The following NEK10 variants were observed in gnomAD, a reference collection of about 807,000 sequenced individuals.
NEK10 encodes the protein NIMA related kinase 10.
Under a neutral mutation model 159.8 loss-of-function variants are expected in NEK10, and 122 were observed. The observed-to-expected ratio is 0.76, with a 90% confidence interval of 0.66 to 0.89. The LOEUF is 0.89. NEK10 is among the 40% of genes least tolerant of loss of function. The pLI, the probability that NEK10 is intolerant of heterozygous loss-of-function variation, is 0.00. For synonymous variants in NEK10, 466 were observed against 457.1 expected, an observed-to-expected ratio of 1.02 and a Z score of -0.25; for missense variants, 1,342 against 1,323.1, an observed-to-expected ratio of 1.01 and a Z score of -0.22.
At chr3:27,338,451 G>A (rs2046968216) in intron 5 of NEK10, among the ~76,000 whole-genome samples, 1 of 152,224 alleles carries the variant, frequency 6.6e-6, no homozygotes. Context: ...TACATACCCA[G>A]TAATGGGGAT....
At chr3:27,351,035 C>T (rs1292266202) in intron 3 of NEK10, among the ~76,000 whole-genome samples, 3 of 152,010 alleles carry the variant, frequency 2.0e-5, no homozygotes, top group South Asian at 2.1e-4. Context: ...AAATAAGACA[C>T]GTAAACAAGA....
chr3:27,331,247 A>C (rs1474806391), intron 5 of NEK10, among the ~76,000 whole-genome samples: 4 of 127,712 alleles, frequency 3.1e-5, no homozygotes, highest in African/African-American at 1.0e-4. Flanking sequence ...CAAAAAAAAA[A>C]AAACAAAAAA....
intron 30 of NEK10, among the ~76,000 whole-genome samples, chr3:27,146,579 A>G (rs183105651): frequency 3.3e-4 from 50 of 152,382 alleles, no homozygotes; most frequent in Admixed American, 1.2e-3. Context: ...CTTTACTATC[A>G]TAACAATGAA....
chr3:27,279,840 G>C (rs2149436208), intron 22 of NEK10, among the ~76,000 whole-genome samples: 1 of 152,136 alleles, frequency 6.6e-6, no homozygotes, highest in Non-Finnish European at 1.5e-5. Flanking sequence ...TTGACACTAG[G>C]AAAATACTGC....
chr3:27,334,706 C>T (rs73055719), intron 5 of NEK10, among the ~76,000 whole-genome samples: 159 of 152,244 alleles, frequency 1.0e-3, no homozygotes, highest in Non-Finnish European at 1.9e-3. Context: ...AGTACCCTAC[C>T]CAACCAACAT....
At chr3:27,240,888 A>G (rs956527963) in intron 23 of NEK10, among the ~76,000 whole-genome samples, 2 of 152,124 alleles carry the variant, frequency 1.3e-5, no homozygotes, top group Non-Finnish European at 2.9e-5. Flanking sequence ...TCCTGACCTC[A>G]GGTGATCTGC....
intron 20 of NEK10, among the ~76,000 whole-genome samples, chr3:27,285,534 A>C (rs2042525600): frequency 6.9e-6 from 1 of 144,964 alleles, no homozygotes; most frequent in Non-Finnish European, 1.6e-5. Context: ...AAAAAAAAAC[A>C]AACAAACAAA....
chr3:27,253,003 T>C (rs1191274731), intron 23 of NEK10: 2 of 410,446 alleles, frequency 4.9e-6, no homozygotes, highest in Admixed American at 6.1e-5. Flanking sequence ...CAACTTTATG[T>C]ATCAAAAAAA....
At chr3:27,122,595 T>C (rs1046844715) in intron 32 of NEK10, among the ~76,000 whole-genome samples, 2 of 152,218 alleles carry the variant, frequency 1.3e-5, no homozygotes, top group Non-Finnish European at 2.9e-5. Context: ...CTTGTGATGC[T>C]GAAAATGATT....
chr3:27,153,345 A>T (rs1945080349), intron 30 of NEK10, among the ~76,000 whole-genome samples: 1 of 151,666 alleles, frequency 6.6e-6, no homozygotes, highest in Non-Finnish European at 1.5e-5. Context: ...AAGAAATGAG[A>T]CAGACAGTAG....
At chr3:27,171,731 C>T in intron 29 of NEK10, 88 bp downstream of exon 29, 1 of 1,396,800 alleles carries the variant, frequency 7.2e-7, no homozygotes, top group Non-Finnish European at 1.0e-6. Flanking sequence ...CACATGGAAA[C>T]TTCTGGCTAT....
At chr3:27,116,215 G>C (rs1238599634) in intron 33 of NEK10, 88 bp from the exon 34 acceptor site, 20 of 1,129,062 alleles carry the variant, frequency 1.8e-5, no homozygotes, top group Non-Finnish European at 2.6e-5. Flanking sequence ...TCAACCACAG[G>C]GCAAACAGGT....
intron 35 of NEK10, among the ~76,000 whole-genome samples, chr3:27,112,404 G>T (rs1027760165): frequency 6.6e-6 from 1 of 152,136 alleles, no homozygotes; most frequent in African/African-American, 2.4e-5. Flanking sequence ...TTGTAAACTT[G>T]AATAACACCG....
Position 27,202,572 on chromosome 3 carries a change from G to C in NEK10, c.2091-15C>G, listed in dbSNP as rs1950147940. The C allele has an allele frequency of 6.3e-7, 1 of 1,589,776 alleles. No homozygotes were observed. The highest frequency in any genetic ancestry group is 1.1e-5 in the South Asian group (1 of 87,076). On this transcript the variant is annotated splice_polypyrimidine_tract_variant and intron_variant, in intron 23 of 35. Transcript: ENST00000691995. Reference sequence around the variant, plus strand: ...GTACCTCGGGGCTGAAGTAAAATAAGGACATTAATACATGCTAAGGAAGGG... The same window carrying C: ...GTACCTCGGGGCTGAAGTAAAATAACGACATTAATACATGCTAAGGAAGGG...
chr3:27,220,549 T>C (rs973487155), intron 23 of NEK10, among the ~76,000 whole-genome samples: 2 of 152,128 alleles, frequency 1.3e-5, no homozygotes, highest in Non-Finnish European at 2.9e-5. Flanking sequence ...GGTCTAGGGA[T>C]TATACTAGAA....
chr3:27,338,785 G>A (rs539933208), intron 5 of NEK10, among the ~76,000 whole-genome samples: 1 of 151,966 alleles, frequency 6.6e-6, no homozygotes, highest in African/African-American at 2.4e-5. Context: ...TTTTTTTCTT[G>A]TAAATTTGTT....
At chr3:27,349,422 A>C (rs966813199) in intron 3 of NEK10, among the ~76,000 whole-genome samples, 1 of 152,084 alleles carries the variant, frequency 6.6e-6, no homozygotes, top group African/African-American at 2.4e-5. Context: ...CTCAAAAGCT[A>C]TATGCTCACT....
chr3:27,278,984 G>A (rs2041960466), intron 22 of NEK10: 1 of 905,434 alleles, frequency 1.1e-6, no homozygotes, highest in African/African-American at 1.8e-5. Context: ...CTGAACATGT[G>A]TCATGGCACA....
chr3:27,162,214 A>T (rs552162266), intron 30 of NEK10: 3 of 539,660 alleles, frequency 5.6e-6, no homozygotes, highest in South Asian at 5.7e-5. Flanking sequence ...ACTGGTTAAC[A>T]TTCCCGCCAC....
Sources: allele counts gnomAD v4.1 joint callset (sites outside exome capture counted in the v4.1 genomes callset), GRCh38; gene constraint gnomAD v4.1.1; transcripts MANE v1.5; gene names NCBI Gene and HGNC (gene_info 2026-07-23, HGNC 2026-07-21).